FBXO39: variants seen among roughly 807,000 people sequenced by gnomAD.
FBXO39 encodes F-box protein 39, also known as F-box only protein 39.
Under a neutral mutation model 36.6 loss-of-function variants are expected in FBXO39, and 22 were observed. The observed-to-expected ratio is 0.60, with a 90% CI of 0.43 to 0.86. FBXO39 has a LOEUF of 0.86. Ranked by LOEUF, FBXO39 falls within the 40% of genes least tolerant of loss-of-function variation. The pLI is 0.00. For synonymous variants in FBXO39, 206 were observed against 205.8 expected (o/e 1.00, Z -0.01); for missense variants, 536 against 543.9 (o/e 0.99, Z 0.14).
Position 6,780,640 on chromosome 17 carries a change from T to C in FBXO39, c.772T>C (p.Cys258Arg), listed in dbSNP as rs200096915. The part of the protein sequence containing the change: ...ASTLRTINIK[C>R]HVHDPHGQVI... ...CACCCTCCGGACCATCAACATCAAA[T>C]GCCACGTTCATGACCCCCACGGACA... Residue 258 changes from cysteine (C) to arginine (R), a missense_variant, in exon 2 of 4, where the codon TGC becomes CGC. Transcript: ENST00000321535. 6.2e-7 allele frequency: 1 copy of C among 1,614,134 alleles called. No homozygotes were observed. Among genetic ancestry groups the C allele is most frequent in the African/African-American group, 1.3e-5 (1 of 75,024 alleles).
chr17:6,787,528 T>A lies in FBXO39; in HGVS notation c.*100T>A. 7.1e-7 allele frequency: 1 copy of A among 1,405,360 alleles called. No individual in the cohort carries two copies. Among genetic ancestry groups the A allele is most frequent in the Non-Finnish European group, 9.6e-7 (1 of 1,042,138 alleles). The allele number at this position is 1,405,360 out of a possible 1,614,324, so 87.1% of individuals were successfully genotyped here. A position where few individuals can be genotyped will look rare whatever the true frequency, so the allele number is the denominator to read the frequency against. On this transcript the variant is annotated 3_prime_UTR_variant, in exon 4 of 4. Coordinates refer to ENST00000321535, the MANE Select transcript of FBXO39 (RefSeq NM_153230.3). ...CACTGCCGGCCCTTTTGCTCCTCTC[T>A]CTCCCCTCCACTTTTTTTTTTTGTC...
rs778379306 is a variant in FBXO39 at position 6,780,579 on chromosome 17, C to T, written c.711C>T (p.Ser237=). The T allele has an allele frequency of 2.4e-5, 39 of 1,613,908 alleles. No individual in the cohort carries two copies. The highest frequency in any genetic ancestry group is 1.6e-4 in the Middle Eastern group (1 of 6,084). Residue 237 remains serine (S), a synonymous_variant, in exon 2 of 4, where the codon TCC becomes TCT. Coordinates refer to ENST00000321535, the MANE Select transcript of FBXO39 (RefSeq NM_153230.3). ...TGAACCTCAACTACAACTGTATCTC[C>T]GACGAGCTGCTTGAGAACTTGTGTG... ...VSLNLNYNCI[S]DELLENLCEN...
At position 6,779,993 on chromosome 17, in the gene FBXO39, T is replaced by C; in HGVS notation, c.125T>C (p.Val42Ala). ...AGGGACAGGTCCAGGGCTGCTCTTG[T>C]CTGCAGAAAGTGGAACCAGATGATG... ...GDRDRSRAAL[V>A]CRKWNQMMYS... The change falls in exon 2 of 4, where the codon GTC becomes GCC. Residue 42 changes from valine (V) to alanine (A), a missense_variant. Val to Ala is a moderately conservative substitution (Grantham distance 64). Transcript: ENST00000321535. 1 of 1,614,208 alleles carries C rather than the reference T, an allele frequency of 6.2e-7. No homozygotes were observed. The highest frequency in any genetic ancestry group is 8.5e-7 in the Non-Finnish European group (1 of 1,180,040).
rs758397167 is a variant in FBXO39 at position 6,780,723 on chromosome 17, G to T, written c.855G>T (p.Val285=). ...KLARQATNLK[V]NFFFERIMKY... is the part of the protein sequence containing the mutation. ...CCAGGCAGGCCACCAATCTGAAGGT[G>T]AACTTCTTCTTTGAACGGATCATGA... Residue 285 remains valine (V), a synonymous_variant, in exon 2 of 4, where the codon GTG becomes GTT. Coordinates refer to ENST00000321535, the MANE Select transcript of FBXO39 (RefSeq NM_153230.3). 3 of 1,614,012 alleles carry T rather than the reference G, an allele frequency of 1.9e-6. No individual in the cohort carries two copies. Among genetic ancestry groups the T allele is most frequent in the Non-Finnish European group, 1.7e-6 (2 of 1,180,034 alleles).
chr17:6,784,929 A>ATATATATATATATATGTGTGTG (rs1491434533), intron 2 of FBXO39, among the ~76,000 whole-genome samples: 30 of 136,238 alleles, frequency 2.2e-4, no homozygotes, highest in African/African-American at 8.6e-4. Context: ...ATATATATAT[A>ATATATATATATATATGTGTGTG]TGTGTGTGTG....
Position 6,786,845 on chromosome 17 carries a change from A to G in FBXO39, c.1089A>G (p.Ile363Met), listed in dbSNP as rs7213731. ...SLDEELHLLI[I>M]SCRKLFYFKI... Reference sequence around the variant, plus strand: ...ACGAGGAGCTGCACCTCCTCATCATATCCTGCAGGAAGTTGTTTTACTTCA... The same window carrying G: ...ACGAGGAGCTGCACCTCCTCATCATGTCCTGCAGGAAGTTGTTTTACTTCA... Residue 363 changes from isoleucine (I) to methionine (M), a missense_variant, in exon 3 of 4, where the codon ATA becomes ATG. Physicochemically the swap from Ile to Met is conservative, Grantham distance 10. Coordinates refer to ENST00000321535, the MANE Select transcript of FBXO39 (RefSeq NM_153230.3). 311,895 of 1,613,578 alleles carry G rather than the reference A, an allele frequency of 0.19. 31,754 individuals carry two copies. The highest frequency in any genetic ancestry group is 0.22 in the Admixed American group (13,030 of 59,912).
intron 2 of FBXO39, among the ~76,000 whole-genome samples, chr17:6,783,736 G>T (rs1567671657): frequency 1.3e-5 from 2 of 152,084 alleles, no homozygotes; most frequent in South Asian, 4.1e-4. Context: ...CCATTGACAA[G>T]TAACAAGATA....
chr17:6,780,035 G>C lies in FBXO39; in HGVS notation c.167G>C (p.Trp56Ser). The C allele has an allele frequency of 6.2e-7, 1 of 1,614,180 alleles. No individual in the cohort carries two copies. Among genetic ancestry groups the C allele is most frequent in the Non-Finnish European group, 8.5e-7 (1 of 1,180,024 alleles). Residue 56 changes from tryptophan to serine, a missense_variant, in exon 2 of 4, where the codon TGG becomes TCG. Trp to Ser is a radical substitution (Grantham distance 177, BLOSUM62 -3). Coordinates refer to ENST00000321535, the MANE Select transcript of FBXO39 (RefSeq NM_153230.3). ...WNQMMYSAELWRYRTITFSGR... is the reference protein window; with the variant it reads ...WNQMMYSAELSRYRTITFSGR... ...CAGATGATGTATTCTGCTGAGCTCT[G>C]GCGGTACAGAACCATCACCTTCAGC...
At chr17:6,787,102 A>G in intron 3 of FBXO39, 146 bp downstream of exon 3, 1 of 1,308,540 alleles carries the variant, frequency 7.6e-7, no homozygotes, top group Non-Finnish European at 1.0e-6. Flanking sequence ...GGGAATCTGG[A>G]GCTCTCTTTT....
At chr17:6,784,701 C>T (rs944577338) in intron 2 of FBXO39, among the ~76,000 whole-genome samples, 16 of 151,528 alleles carry the variant, frequency 1.1e-4, no homozygotes, top group Admixed American at 3.9e-4. Flanking sequence ...AGGAATTAAC[C>T]GAAGGAATGA....
chr17:6,777,088 AT>A (rs1355095556), intron 1 of FBXO39, among the ~76,000 whole-genome samples: 2 of 152,000 alleles, frequency 1.3e-5, no homozygotes, highest in African/African-American at 4.8e-5. Context: ...TGGAGCTTTT[AT>A]TTACTTATTT....
At chr17:6,779,037 C>G (rs966404335) in intron 1 of FBXO39, among the ~76,000 whole-genome samples, 1 of 152,182 alleles carries the variant, frequency 6.6e-6, no homozygotes, top group African/African-American at 2.4e-5. Flanking sequence ...TCTCTGTGAC[C>G]TCAGCTGGGG....
chr17:6,779,434 C>T (rs1412296366), intron 1 of FBXO39, among the ~76,000 whole-genome samples: 1 of 152,236 alleles, frequency 6.6e-6, no homozygotes, highest in Non-Finnish European at 1.5e-5. Context: ...ATCTGCCTTG[C>T]AAATCCTACT....
chr17:6,777,518 A>G (rs1239251287), intron 1 of FBXO39, among the ~76,000 whole-genome samples: 1 of 152,268 alleles, frequency 6.6e-6, no homozygotes, highest in Non-Finnish European at 1.5e-5. Flanking sequence ...ATTGATGGGC[A>G]TTTGGGTTGA....
chr17:6,780,009 C>A lies in FBXO39; in HGVS notation c.141C>A (p.Asn47Lys), dbSNP rs1189760384. 1 of 1,614,222 alleles carries A rather than the reference C, an allele frequency of 6.2e-7. No individual in the cohort carries two copies. Among genetic ancestry groups the A allele is most frequent in the Admixed American group, 1.7e-5 (1 of 60,018 alleles). The change falls in exon 2 of 4, where the codon AAC becomes AAA. Residue 47 changes from asparagine to lysine, a missense_variant. Asn to Lys is a moderately conservative substitution (Grantham distance 94). Transcript: ENST00000321535. ...CTGCTCTTGTCTGCAGAAAGTGGAA[C>A]CAGATGATGTATTCTGCTGAGCTCT... ...SRAALVCRKW[N>K]QMMYSAELWR...
rs759597076 is a variant in FBXO39 at position 6,780,881 on chromosome 17, A to G, written c.1013A>G (p.His338Arg). 1 of 1,611,144 alleles carries G rather than the reference A, an allele frequency of 6.2e-7. No homozygotes were observed. Among genetic ancestry groups the G allele is most frequent in the Non-Finnish European group, 8.5e-7 (1 of 1,179,638 alleles). The stretch of plus-strand genomic sequence containing the variant: ...ATAGATCTCCTGCCCACCTTCCGGC[A>G]CACTCTGCAGGTAGGTAGGACTTGT... ...TLIDLLPTFRHTLQKLTCEFN... is the reference protein window; with the variant it reads ...TLIDLLPTFRRTLQKLTCEFN... The change falls in exon 2 of 4, where the codon CAC becomes CGC. Residue 338 changes from histidine to arginine, a missense_variant. Transcript: ENST00000321535.
At chr17:6,776,409 C>G (rs74689928) in intron 1 of FBXO39, 137 bp downstream of exon 1, 7,012 of 151,902 alleles carry the variant, frequency 0.046, 204 homozygotes, top group Middle Eastern at 0.14. Context: ...CTCATCACCC[C>G]CTCTGGGAAG....
rs1367304910 is a variant in FBXO39, at chr17:6,779,969, G to A, written c.101G>A (p.Arg34Lys). 6.2e-7 allele frequency: 1 copy of A among 1,614,222 alleles called. No homozygotes were observed. The highest frequency in any genetic ancestry group is 8.5e-7 in the Non-Finnish European group (1 of 1,180,038). ...LCRVFWWLGD[R>K]DRSRAALVCR... ...CGTGTTTTCTGGTGGCTAGGAGACA[G>A]GGACAGGTCCAGGGCTGCTCTTGTC... The change falls in exon 2 of 4, where the codon AGG (arginine) becomes AAG (lysine). Residue 34 changes from arginine to lysine, a missense_variant. Physicochemically the swap from Arg to Lys is conservative, Grantham distance 26. Transcript: ENST00000321535.
At chr17:6,779,050 T>TGACC (rs1976469902) in intron 1 of FBXO39, among the ~76,000 whole-genome samples, 1 of 152,168 alleles carries the variant, frequency 6.6e-6, no homozygotes, top group Non-Finnish European at 1.5e-5. Flanking sequence ...AGCTGGGGTT[T>TGACC]TCCACCCTGT....
Sources: allele counts gnomAD v4.1 joint callset (sites outside exome capture counted in the v4.1 genomes callset), GRCh38; gene constraint gnomAD v4.1.1; transcripts MANE v1.5; gene names NCBI Gene and HGNC (gene_info 2026-07-23, HGNC 2026-07-21).